The following SRPX2 variants were observed in gnomAD, a reference collection of about 807,000 sequenced individuals.
SRPX2 encodes the protein sushi repeat containing protein X-linked 2, also known as sushi repeat-containing protein SRPX2.
Under a neutral mutation model 45.3 loss-of-function variants are expected in SRPX2, and 26 were observed. The ratio of observed to expected loss-of-function variants is 0.57; its 90% CI spans 0.42 to 0.80. The LOEUF is 0.80. SRPX2 is among the 30% of genes least tolerant of loss of function. The pLI is 0.00. For missense variants in SRPX2, 355 were observed against 399.8 expected (o/e 0.89, Z 0.95); for synonymous variants, 125 against 143.7 (o/e 0.87, Z 0.93).
chrX:100,647,485 T>A (rs996504157), intron 2 of SRPX2, among the ~76,000 whole-genome samples: 2 of 112,318 alleles, frequency 1.8e-5, no homozygotes, highest in African/African-American at 6.5e-5. Context: ...GACATTGAGA[T>A]GAAAAAATTC....
intron 1 of SRPX2, among the ~76,000 whole-genome samples, chrX:100,645,411 C>T (rs1320852791): frequency 1.8e-5 from 2 of 111,793 alleles, no homozygotes; most frequent in Non-Finnish European, 3.8e-5. Flanking sequence ...AGCTTGTTCA[C>T]CCTCTCCTCA....
At chrX:100,645,982 T>C (rs1025168729) in intron 1 of SRPX2, 16 of 256,306 alleles carry the variant, frequency 6.2e-5, no homozygotes, top group African/African-American at 4.5e-4. Context: ...TACTTCAATG[T>C]CCCTCTCTAT....
In SRPX2 at chrX:100,671,025, T is replaced by C; in HGVS notation, c.*38T>C. The stretch of plus-strand genomic sequence containing the variant: ...GCATGGTTAAAGTCAAGGGAAAAGC[T>C]CCTCTAGTTAGCTGAAACTGGGACC... On this transcript the variant is annotated 3_prime_UTR_variant, in exon 11 of 11. Transcript: ENST00000373004. 3 of 1,173,448 alleles carry C rather than the reference T, an allele frequency of 2.6e-6. No homozygotes were observed. The highest frequency in any genetic ancestry group is 3.4e-6 in the Non-Finnish European group (3 of 869,747).
At chrX:100,655,109 C>A (rs1027857516) in intron 3 of SRPX2, among the ~76,000 whole-genome samples, 7 of 112,412 alleles carry the variant, frequency 6.2e-5, no homozygotes, top group Non-Finnish European at 1.1e-4. Flanking sequence ...CAAACCTCCG[C>A]TTCTCCCCCT....
intron 2 of SRPX2, among the ~76,000 whole-genome samples, chrX:100,646,990 C>A (rs894955206): frequency 8.9e-6 from 1 of 112,036 alleles, no homozygotes; most frequent in Non-Finnish European, 1.9e-5. Context: ...AGTTTCTTCT[C>A]ATTTGTTCTT....
At chrX:100,658,700 A>T (rs750105971) in intron 3 of SRPX2, among the ~76,000 whole-genome samples, 4 of 112,283 alleles carry the variant, frequency 3.6e-5, no homozygotes, top group African/African-American at 1.3e-4. Context: ...TGCTTTGAGC[A>T]ATATGGTCAT....
At position 100,665,786 on chromosome X, in the gene SRPX2, T is replaced by C. The variant is rs372189978; in HGVS notation, c.781+129T>C. ...ATACTGGGAGAGGAGAAAAACAAGT[T>C]CACCAAACAGGCTTATTTAGGAAGC... On this transcript the variant is annotated intron_variant, in intron 7 of 10. Coordinates refer to ENST00000373004, the MANE Select transcript of SRPX2 (RefSeq NM_014467.3). 6.4e-4 allele frequency: 652 copies of C among 1,025,176 alleles called. 2 individuals are homozygous for C. In the South Asian group the frequency reaches 0.012, roughly 19 times the overall value. 84.5% of individuals were successfully genotyped at this position (1,025,176 alleles called of 1,213,427 possible). A position where few individuals can be genotyped will look rare whatever the true frequency, so the allele number is the denominator to read the frequency against.
In SRPX2 at chrX:100,646,397, G is replaced by C; in HGVS notation, c.75G>C (p.Trp25Cys). ...TAACTCCGGCAGTGACACCAACATG[G>C]TATGCAGGTAAGTTCTAGGAGCTGT... is the stretch of plus-strand genomic sequence containing the variant. The part of the protein sequence containing the change: ...FFLTPAVTPT[W>C]YAGSGYYPDE... The change falls in exon 2 of 11, where the codon TGG becomes TGC. Residue 25 changes from tryptophan (W) to cysteine (C), a missense_variant. Physicochemically the swap from Trp to Cys is radical, Grantham distance 215. Coordinates refer to ENST00000373004, the MANE Select transcript of SRPX2 (RefSeq NM_014467.3). 1 of 1,209,697 alleles carries C rather than the reference G, an allele frequency of 8.3e-7. No homozygotes were observed.
In SRPX2 at chrX:100,662,282, C is replaced by T; in HGVS notation, c.270C>T (p.Ser90=). 8.3e-7 allele frequency: 1 copy of T among 1,212,028 alleles called. No individual in the cohort carries two copies. Among genetic ancestry groups the T allele is most frequent in the African/African-American group, 1.7e-5 (1 of 57,831 alleles). The change falls in exon 4 of 11, where the codon TCC becomes TCT. Residue 90 remains serine, a synonymous_variant. Coordinates refer to ENST00000373004, the MANE Select transcript of SRPX2 (RefSeq NM_014467.3). The part of the protein sequence containing the change: ...HSSLGTRCEL[S]CDRGFRLIGR... ...GCCTGGGCACGCGTTGTGAGCTCTC[C>T]TGTGACCGGGGCTTTCGATTGATTG... is the stretch of plus-strand genomic sequence containing the variant.
chrX:100,647,045 T>C (rs2083137637), intron 2 of SRPX2, among the ~76,000 whole-genome samples: 1 of 111,908 alleles, frequency 8.9e-6, no homozygotes, highest in African/African-American at 3.3e-5. Flanking sequence ...AATATTTCAC[T>C]CTTCACCCAG....
chrX:100,669,411 T>TGGGGGGGGGGGTG, intron 10 of SRPX2, 42 bp downstream of exon 10: 1 of 16,853 alleles, frequency 5.9e-5, no homozygotes, highest in Non-Finnish European at 1.2e-4. Context: ...GAGGGGGGGC[T>TGGGGGGGGGGGTG]GGGGCGGGGG....
intron 3 of SRPX2, among the ~76,000 whole-genome samples, chrX:100,655,093 T>G (rs1268397812): frequency 2.7e-5 from 3 of 112,471 alleles, no homozygotes; most frequent in African/African-American, 9.7e-5. Context: ...ACAATGGGCC[T>G]GAGTTCAAAC....
intron 3 of SRPX2, among the ~76,000 whole-genome samples, chrX:100,651,653 G>A (rs1280424167): frequency 1.8e-5 from 2 of 109,184 alleles, no homozygotes; most frequent in Non-Finnish European, 3.8e-5. Context: ...ATGGTGGCAT[G>A]TGCCTATAAT....
chrX:100,664,727 C>T (rs1458151559), intron 4 of SRPX2, 47 bp from the exon 5 acceptor site: 2 of 1,150,359 alleles, frequency 1.7e-6, no homozygotes, highest in Admixed American at 4.9e-5. Flanking sequence ...GCATCACCTC[C>T]AGATAGTCGC....
chrX:100,652,533 A>G (rs73555465), intron 3 of SRPX2, among the ~76,000 whole-genome samples: 218 of 111,268 alleles, frequency 2.0e-3, no homozygotes, highest in African/African-American at 6.7e-3. Flanking sequence ...AGGAACCAGC[A>G]AGGGGAAAAA....
chrX:100,653,110 C>G (rs773365278), intron 3 of SRPX2, among the ~76,000 whole-genome samples: 2 of 111,417 alleles, frequency 1.8e-5, no homozygotes, highest in African/African-American at 6.5e-5. Context: ...GGTGGACTCT[C>G]TGGTGGTGAC....
At chrX:100,670,245 T>C (rs1176171244) in intron 10 of SRPX2, among the ~76,000 whole-genome samples, 1 of 111,543 alleles carries the variant, frequency 9.0e-6, no homozygotes, top group Non-Finnish European at 1.9e-5. Context: ...ACTGCTCTGT[T>C]TTAGAGCAGT....
intron 3 of SRPX2, 145 bp from the exon 4 acceptor site, chrX:100,662,031 A>C: frequency 2.1e-6 from 1 of 471,365 alleles, no homozygotes; most frequent in South Asian, 3.0e-5. Flanking sequence ...TTGTTTTTGC[A>C]CTTTTGTCAA....
At chrX:100,647,092 G>A (rs780606573) in intron 2 of SRPX2, among the ~76,000 whole-genome samples, 1 of 112,037 alleles carries the variant, frequency 8.9e-6, no homozygotes, top group South Asian at 3.8e-4. Flanking sequence ...AGAGGGAAAG[G>A]GGAGGGGGAA....
Sources: gnomAD v4.1 joint callset for allele counts (sites outside exome capture counted in the v4.1 genomes callset) on GRCh38, gnomAD v4.1.1 for gene constraint, MANE v1.5 for transcripts, NCBI Gene and HGNC (gene_info 2026-07-23, HGNC 2026-07-21) for gene names.